The following SLF1 variants were observed in gnomAD, a reference collection of about 807,000 sequenced individuals.
SLF1 encodes SMC5-SMC6 complex localization factor protein 1.
SLF1 carries 105 observed loss-of-function variants against 123.0 expected under a neutral mutation model. The observed-to-expected ratio is 0.85, with a 90% CI of 0.73 to 1.00. The LOEUF (loss-of-function observed/expected upper bound fraction) is 1.00. Ranked by LOEUF, SLF1 falls within the 50% of genes least tolerant of loss-of-function variation. SLF1 has a pLI of 0.00. For synonymous variants in SLF1, 434 were observed against 406.6 expected (o/e 1.07, Z -0.81); for missense variants, 1,239 against 1,223.0 (o/e 1.01, Z -0.20).
At chr5:94,694,187 GT>G (rs1753337816) in intron 20 of SLF1, among the ~76,000 whole-genome samples, 1 of 151,866 alleles carries the variant, frequency 6.6e-6, no homozygotes, top group Non-Finnish European at 1.5e-5. Flanking sequence ...TCATCCTTTA[GT>G]ACTTAGTGGA....
Position 94,688,425 on chromosome 5 carries a change from T to C in SLF1, c.2122-81T>C, listed in dbSNP as rs953895408. ...GCAACCAAGAAAATATAACCAAATGTAATAGTGAAATGAATCAAATAATTT... is the reference window on the plus strand; with the variant it reads ...GCAACCAAGAAAATATAACCAAATGCAATAGTGAAATGAATCAAATAATTT... On this transcript the variant is annotated intron_variant, in intron 16 of 20. Coordinates refer to ENST00000265140, the MANE Select transcript of SLF1 (RefSeq NM_032290.4). 7 of 1,403,584 alleles carry C rather than the reference T, an allele frequency of 5.0e-6. No homozygotes were observed. In the Admixed American group the frequency reaches 7.6e-5, roughly 15 times the overall value. The allele number at this position is 1,403,584 out of a possible 1,614,324, so 86.9% of individuals were successfully genotyped here. A position where few individuals can be genotyped will look rare whatever the true frequency, so the allele number is the denominator to read the frequency against.
chr5:94,677,305 C>A (rs1351612241), intron 14 of SLF1, among the ~76,000 whole-genome samples: 1 of 152,034 alleles, frequency 6.6e-6, no homozygotes, highest in Non-Finnish European at 1.5e-5. Flanking sequence ...ATTCCTGTTA[C>A]TTGTCGTCTA....
intron 5 of SLF1, among the ~76,000 whole-genome samples, chr5:94,647,296 A>G (rs984888122): frequency 8.5e-5 from 13 of 152,330 alleles, no homozygotes; most frequent in African/African-American, 2.9e-4. Context: ...GTAGCACTCA[A>G]AGGACTGCCT....
At chr5:94,669,033 T>G (rs1436488698) in intron 12 of SLF1, among the ~76,000 whole-genome samples, 1 of 152,194 alleles carries the variant, frequency 6.6e-6, no homozygotes, top group Admixed American at 6.5e-5. Flanking sequence ...GTGATAGATT[T>G]TGGGCAGCTT....
intron 1 of SLF1, among the ~76,000 whole-genome samples, chr5:94,627,179 AT>A (rs1744540992): frequency 6.6e-6 from 1 of 152,216 alleles, no homozygotes; most frequent in African/African-American, 2.4e-5. Context: ...TTGTAATTGT[AT>A]TGAAAGAAGT....
chr5:94,621,711 T>G (rs1791803964), intron 1 of SLF1, among the ~76,000 whole-genome samples: 2 of 152,094 alleles, frequency 1.3e-5, no homozygotes, highest in South Asian at 2.1e-4. Flanking sequence ...CTCCTAAGCT[T>G]CTCATTTTTT....
intron 20 of SLF1, 147 bp downstream of exon 20, chr5:94,692,403 C>T: frequency 2.6e-6 from 2 of 778,422 alleles, no homozygotes; most frequent in Non-Finnish European, 3.9e-6. Context: ...AAAAAGTCTC[C>T]TAAAACGTAA....
At chr5:94,664,400 T>C (rs1429403119) in intron 11 of SLF1, among the ~76,000 whole-genome samples, 2 of 152,280 alleles carry the variant, frequency 1.3e-5, no homozygotes, top group Non-Finnish European at 1.5e-5. Flanking sequence ...GCTCAAGTAG[T>C]CCCCCTGCTT....
intron 12 of SLF1, among the ~76,000 whole-genome samples, chr5:94,666,857 C>G (rs1025026078): frequency 1.1e-4 from 17 of 150,806 alleles, no homozygotes; most frequent in African/African-American, 3.6e-4. Context: ...GTTGGCCAGG[C>G]TGGTCTCGAA....
chr5:94,684,769 GA>G (rs895102830), intron 15 of SLF1, among the ~76,000 whole-genome samples: 12 of 149,956 alleles, frequency 8.0e-5, no homozygotes, highest in Middle Eastern at 3.5e-3. Context: ...TAAATTCAGT[GA>G]TAATATATCT....
Position 94,688,750 on chromosome 5 carries a change from A to G in SLF1, c.2285+81A>G, listed in dbSNP as rs1752735562. On this transcript the variant is annotated intron_variant, in intron 17 of 20. Coordinates refer to ENST00000265140, the MANE Select transcript of SLF1 (RefSeq NM_032290.4). ...GATGCATTTCTTGAACTTAATGGTT[A>G]TCTGTGATACTGTCTGAATTATACT... is the stretch of plus-strand genomic sequence containing the variant. 22 of 1,471,446 alleles carry G rather than the reference A, an allele frequency of 1.5e-5. No individual in the cohort carries two copies. In the South Asian group the frequency reaches 2.7e-4, roughly 18 times the overall value. 91.1% of individuals were successfully genotyped at this position (1,471,446 alleles called of 1,614,324 possible).
At chr5:94,689,840 A>G (rs2152498660) in intron 18 of SLF1, among the ~76,000 whole-genome samples, 1 of 152,276 alleles carries the variant, frequency 6.6e-6, no homozygotes, top group Non-Finnish European at 1.5e-5. Context: ...TCTCCCTGCC[A>G]TTACAGATAT....
intron 4 of SLF1, among the ~76,000 whole-genome samples, chr5:94,634,864 A>G (rs770119971): frequency 1.2e-4 from 19 of 152,196 alleles, no homozygotes; most frequent in Non-Finnish European, 2.6e-4. Context: ...AGAAGTGTCT[A>G]TTCAGATCCT....
At chr5:94,659,913 A>G (rs534222987) in intron 9 of SLF1, among the ~76,000 whole-genome samples, 12 of 152,242 alleles carry the variant, frequency 7.9e-5, no homozygotes, top group Non-Finnish European at 1.3e-4. Context: ...GTTGTGGGCC[A>G]ATCCTCGGGC....
intron 1 of SLF1, chr5:94,620,033 C>G (rs1791568473): frequency 6.6e-6 from 1 of 152,118 alleles, no homozygotes. Flanking sequence ...TGCGCGACAC[C>G]ACGCCCGACT....
chr5:94,684,106 A>G (rs1351346545), intron 15 of SLF1, among the ~76,000 whole-genome samples: 1 of 152,160 alleles, frequency 6.6e-6, no homozygotes, highest in Non-Finnish European at 1.5e-5. Flanking sequence ...CTTATTAGAT[A>G]AATAACTCCA....
At chr5:94,621,977 A>G (rs981236482) in intron 1 of SLF1, among the ~76,000 whole-genome samples, 7 of 152,200 alleles carry the variant, frequency 4.6e-5, no homozygotes, top group African/African-American at 1.7e-4. Context: ...GTCTTTAAAA[A>G]AAAAAGTCTG....
chr5:94,675,024 T>C (rs1457693021), intron 14 of SLF1, among the ~76,000 whole-genome samples: 1 of 152,250 alleles, frequency 6.6e-6, no homozygotes, highest in African/African-American at 2.4e-5. Flanking sequence ...CTTTCTCATG[T>C]TTCAAATGCC....
Position 94,694,065 on chromosome 5 carries a change from C to T in SLF1, c.2696-766C>T, listed in dbSNP as rs1193316266. Reference sequence around the variant, plus strand: ...ACTAAAATCTTTATATCCCCTGTAACGTTTTTATGGCCAAGTGCATAAATA... The same window carrying T: ...ACTAAAATCTTTATATCCCCTGTAATGTTTTTATGGCCAAGTGCATAAATA... On this transcript the variant is annotated intron_variant, in intron 20 of 20. Transcript: ENST00000265140. 2.6e-5 allele frequency among the ~76,000 whole-genome samples: 4 copies of T among 151,896 alleles called. No homozygotes were observed. The East Asian group carries it at 5.8e-4, about 22-fold the overall frequency.
Sources: allele counts gnomAD v4.1 joint callset (sites outside exome capture counted in the v4.1 genomes callset), GRCh38; gene constraint gnomAD v4.1.1; transcripts MANE v1.5; gene names NCBI Gene and HGNC (gene_info 2026-07-23, HGNC 2026-07-21).